ZNF558: variants seen among roughly 807,000 people sequenced by gnomAD.
ZNF558 encodes the protein zinc finger protein 558.
In ZNF558, 23 loss-of-function variants were observed where a neutral mutation model predicts 37.6. The ratio of observed to expected loss-of-function variants is 0.61; its 90% CI spans 0.44 to 0.87. The LOEUF is 0.87. Ranked by LOEUF, ZNF558 falls within the 40% of genes least tolerant of loss-of-function variation. The pLI is 0.00. For synonymous variants in ZNF558, 189 were observed against 174.4 expected (o/e 1.08, Z -0.66); for missense variants, 429 against 483.7 (o/e 0.89, Z 1.06).
At chr19:8,830,067 G>A (rs916269954) in intron 2 of ZNF558, among the ~76,000 whole-genome samples, 1 of 152,108 alleles carries the variant, frequency 6.6e-6, no homozygotes, top group African/African-American at 2.4e-5. Flanking sequence ...ACTGAATCAT[G>A]GGGGCGGACT....
At chr19:8,816,259 G>T (rs2043937187) in intron 7 of ZNF558, among the ~76,000 whole-genome samples, 2 of 152,190 alleles carry the variant, frequency 1.3e-5, no homozygotes, top group Admixed American at 6.5e-5. Context: ...TAGAGACAGG[G>T]TCCAAGTTGC....
In ZNF558 at chr19:8,807,188, G is replaced by C. The variant is rs1324527380; in HGVS notation, c.*4093C>G. On this transcript the variant is annotated 3_prime_UTR_variant, in exon 10 of 10. Transcript: ENST00000601372. ...CTGGGGCTGGATGCTATCGCTGACTGACCTCTCTCAGCTCCTGGAATGCAG... is the reference window on the plus strand; with the variant it reads ...CTGGGGCTGGATGCTATCGCTGACTCACCTCTCTCAGCTCCTGGAATGCAG... 4 of 152,242 alleles carry C rather than the reference G, an allele frequency of 2.6e-5. No individual in the cohort carries two copies. The highest frequency in any genetic ancestry group is 5.9e-5 in the Non-Finnish European group (4 of 68,100). 9.4% of individuals were successfully genotyped at this position (152,242 alleles called of 1,614,324 possible).
At chr19:8,819,388 C>T (rs959248171) in intron 7 of ZNF558, among the ~76,000 whole-genome samples, 3 of 151,744 alleles carry the variant, frequency 2.0e-5, no homozygotes, top group Non-Finnish European at 4.4e-5. Context: ...ACTAAGTTGG[C>T]CAGGCTGGTC....
In ZNF558 at chr19:8,811,790, T is replaced by C; in HGVS notation, c.700A>G (p.Lys234Glu). 6.2e-7 allele frequency: 1 copy of C among 1,614,180 alleles called. No individual in the cohort carries two copies. The highest frequency in any genetic ancestry group is 8.5e-7 in the Non-Finnish European group (1 of 1,180,026). The change falls in exon 10 of 10, where the codon AAA (lysine) becomes GAA (glutamate). Residue 234 changes from lysine to glutamate, a missense_variant. Coordinates refer to ENST00000601372, the MANE Select transcript of ZNF558 (RefSeq NM_144693.3). ...RLHLRIHTGE[K>E]PYECNQCFHV... ...AAACACTGGTTACATTCATAGGGTTTTTCTCCAGTGTGAATTCTCAAATGC... is the reference window on the plus strand; with the variant it reads ...AAACACTGGTTACATTCATAGGGTTCTTCTCCAGTGTGAATTCTCAAATGC...
chr19:8,821,919 T>C, intron 6 of ZNF558, 84 bp downstream of exon 6: 1 of 1,575,772 alleles, frequency 6.3e-7, no homozygotes, highest in South Asian at 1.2e-5. Flanking sequence ...GGTTTGGCCA[T>C]GAGGCTCCAG....
chr19:8,836,462 C>G (rs887733967), upstream of ZNF558, among the ~76,000 whole-genome samples: 27 of 149,786 alleles, frequency 1.8e-4, no homozygotes, highest in Admixed American at 4.0e-4. Flanking sequence ...TTTTCCTCCT[C>G]CTCCCCCCCT....
chr19:8,820,703 C>A (rs989096671), intron 7 of ZNF558, among the ~76,000 whole-genome samples: 1 of 152,148 alleles, frequency 6.6e-6, no homozygotes, highest in South Asian at 2.1e-4. Context: ...GTCTCGAACT[C>A]CTGCCCTCGT....
In ZNF558 at chr19:8,811,219, C is replaced by T; in HGVS notation, c.*62G>A. The T allele has an allele frequency of 6.7e-7, 1 of 1,489,406 alleles. No individual in the cohort carries two copies. Among genetic ancestry groups the T allele is most frequent in the South Asian group, 1.4e-5 (1 of 72,234 alleles). 92.3% of individuals were successfully genotyped at this position (1,489,406 alleles called of 1,614,324 possible). ...AACTTATATATCCAGTGTGAGCTCT[C>T]TCAAACTATCTTAGGGATGAAAGAT... On this transcript the variant is annotated 3_prime_UTR_variant, in exon 10 of 10. Transcript: ENST00000601372.
chr19:8,812,709 A>G, intron 8 of ZNF558, 66 bp from the exon 9 acceptor site: 1 of 1,046,204 alleles, frequency 9.6e-7, no homozygotes, highest in Non-Finnish European at 1.4e-6. Context: ...ACACATGAGT[A>G]AAGGCAGATT....
intron 6 of ZNF558, 167 bp downstream of exon 6, chr19:8,821,836 C>T: frequency 2.1e-6 from 3 of 1,461,218 alleles, no homozygotes; most frequent in Non-Finnish European, 2.7e-6. Context: ...TAAATGTTGA[C>T]ACACACTGAC....
upstream of ZNF558, among the ~76,000 whole-genome samples, chr19:8,835,197 G>A (rs1043832892): frequency 9.9e-5 from 15 of 152,012 alleles, no homozygotes; most frequent in Non-Finnish European, 1.9e-4. Context: ...GACCACAGGC[G>A]TTCACCACCA....
chr19:8,814,808 C>T (rs1220000222), intron 7 of ZNF558, among the ~76,000 whole-genome samples: 4 of 152,156 alleles, frequency 2.6e-5, no homozygotes, highest in Non-Finnish European at 5.9e-5. Flanking sequence ...AAAGAGACTT[C>T]GGTGGCCACA....
upstream of ZNF558, among the ~76,000 whole-genome samples, chr19:8,836,469 C>T (rs1036199264): frequency 2.7e-5 from 4 of 150,480 alleles, no homozygotes; most frequent in Admixed American, 2.7e-4. Flanking sequence ...CCTCCTCCCC[C>T]CCTCTCCTCC....
In ZNF558 at chr19:8,822,527, C is replaced by T. The variant is rs1176643721; in HGVS notation, c.31+102G>A. On this transcript the variant is annotated intron_variant, in intron 5 of 9. Transcript: ENST00000601372. The surrounding 1 kb of genome is among the most constrained non-coding windows in gnomAD (Gnocchi z 4.4). ...GGACCTCTGGGCCCCTGGGGCTCCA[C>T]TCCTGCCTCACCTGCTCTGCCCAAC... The T allele has an allele frequency of 1.5e-5, 23 of 1,559,658 alleles. No individual in the cohort carries two copies. Among genetic ancestry groups the T allele is most frequent in the South Asian group, 7.9e-5 (7 of 88,510 alleles).
the ZNF558 span, among the ~76,000 whole-genome samples, chr19:8,837,797 T>G: frequency 6.6e-6 from 1 of 152,178 alleles, no homozygotes; most frequent in African/African-American, 2.4e-5. Context: ...AGATGACGCA[T>G]AAAATAATTG....
At chr19:8,819,890 G>A (rs930030795) in intron 7 of ZNF558, among the ~76,000 whole-genome samples, 3 of 152,196 alleles carry the variant, frequency 2.0e-5, no homozygotes, top group Non-Finnish European at 2.9e-5. Context: ...GCAGTGAGCC[G>A]AGATCGTGCT....
upstream of ZNF558, among the ~76,000 whole-genome samples, chr19:8,835,397 T>C (rs2044444966): frequency 6.6e-6 from 1 of 152,138 alleles, no homozygotes; most frequent in Non-Finnish European, 1.5e-5. Context: ...ACAAAGAAGA[T>C]ACACAAATGG....
At chr19:8,828,286 C>T (rs1034257549) in intron 2 of ZNF558, among the ~76,000 whole-genome samples, 2 of 152,190 alleles carry the variant, frequency 1.3e-5, no homozygotes, top group African/African-American at 2.4e-5. Flanking sequence ...AACATCTTAA[C>T]ATGCGTCCCT....
chr19:8,828,561 C>G (rs2044282004), intron 2 of ZNF558, among the ~76,000 whole-genome samples: 1 of 152,248 alleles, frequency 6.6e-6, no homozygotes, highest in Non-Finnish European at 1.5e-5. Context: ...GCTCCTGCTT[C>G]AAGACATCCT....
Sources: gnomAD v4.1 joint callset for allele counts (sites outside exome capture counted in the v4.1 genomes callset) on GRCh38, gnomAD v4.1.1 for gene constraint, Gnocchi (gnomAD v3.1) non-coding constraint, MANE v1.5 for transcripts, NCBI Gene and HGNC (gene_info 2026-07-23, HGNC 2026-07-21) for gene names.